The following ADIPOQ variants were observed in gnomAD, a reference collection of about 807,000 sequenced individuals.
ADIPOQ encodes adiponectin.
A neutral mutation model predicts 16.1 loss-of-function variants in ADIPOQ; 19 were observed. The observed-to-expected ratio is 1.18, with a 90% CI of 0.82 to 1.73. ADIPOQ has a LOEUF of 1.73. Among genes scored for constraint, ADIPOQ ranks in the 40% most tolerant of loss-of-function variants. The pLI, the probability that ADIPOQ is intolerant of heterozygous loss-of-function variation, is 0.00. For synonymous variants in ADIPOQ, 124 were observed against 125.5 expected (o/e 0.99, Z 0.08); for missense variants, 323 against 308.3 (o/e 1.05, Z -0.36).
chr3:186,852,609 GA>G, intron 1 of ADIPOQ: 1 of 183,834 alleles, frequency 5.4e-6, no homozygotes, highest in Non-Finnish European at 1.1e-5. Flanking sequence ...AAATGAGAGA[GA>G]AGGGGGGAAA....
chr3:186,858,302 T>A lies in ADIPOQ; in HGVS notation c.*3598T>A, dbSNP rs1712087824. 1 of 151,940 alleles carries A rather than the reference T, an allele frequency of 6.6e-6. No individual in the cohort carries two copies. The highest frequency in any genetic ancestry group is 6.6e-5 in the Admixed American group (1 of 15,252). 9.4% of individuals were successfully genotyped at this position (151,940 alleles called of 1,614,324 possible). ...TTTTGATTAGTGTTTTTGTGGTATATCTTTTTCCATCATGTTACTTTAAAT... is the reference window on the plus strand; with the variant it reads ...TTTTGATTAGTGTTTTTGTGGTATAACTTTTTCCATCATGTTACTTTAAAT... On this transcript the variant is annotated 3_prime_UTR_variant, in exon 3 of 3. Coordinates refer to ENST00000320741, the MANE Select transcript of ADIPOQ (RefSeq NM_004797.4).
chr3:186,843,778 A>C (rs1388436263), intron 1 of ADIPOQ, among the ~76,000 whole-genome samples: 1 of 152,174 alleles, frequency 6.6e-6, no homozygotes, highest in Non-Finnish European at 1.5e-5. Context: ...ATTTTCTGAC[A>C]GAAGAAACTG....
chr3:186,853,832 C>T (rs543755658), intron 2 of ADIPOQ: 2 of 255,144 alleles, frequency 7.8e-6, no homozygotes, highest in South Asian at 1.7e-4. Context: ...TTCAGCTAGG[C>T]CTTGAATGAT....
chr3:186,857,945 C>G lies in ADIPOQ; in HGVS notation c.*3241C>G, dbSNP rs200406929. On this transcript the variant is annotated 3_prime_UTR_variant, in exon 3 of 3. Transcript: ENST00000320741. ...CCTTCCTTTCTTTCTCTCTCTCTCT[C>G]TTTCCTTCCTTCCTTCCTCCTTTTC... 2 of 148,304 alleles carry G rather than the reference C, an allele frequency of 1.3e-5. No homozygotes were observed. The highest frequency in any genetic ancestry group is 1.4e-4 in the Admixed American group (2 of 14,392). The allele number at this position is 148,304 out of a possible 1,614,324, so 9.2% of individuals were successfully genotyped here.
In ADIPOQ at chr3:186,854,790, T is replaced by G; in HGVS notation, c.*86T>G. On this transcript the variant is annotated 3_prime_UTR_variant, in exon 3 of 3. Coordinates refer to ENST00000320741, the MANE Select transcript of ADIPOQ (RefSeq NM_004797.4). ...AGTACGGTTAGGAAGTTGATTATTA[T>G]TTAGTTGGAGGCCTTTAGATATTAT... is the stretch of plus-strand genomic sequence containing the variant. 1 of 1,530,868 alleles carries G rather than the reference T, an allele frequency of 6.5e-7. No individual in the cohort carries two copies. The allele number at this position is 1,530,868 out of a possible 1,614,324, so 94.8% of individuals were successfully genotyped here.
chr3:186,853,214 C>A lies in ADIPOQ; in HGVS notation c.156C>A (p.Ala52=), dbSNP rs1195206173. ...GIPGHPGHNG[A]PGRDGRDGTP... ...CAGGGCATCCGGGCCATAATGGGGC[C>A]CCAGGCCGTGATGGCAGAGATGGCA... The change falls in exon 2 of 3, where the codon GCC becomes GCA. Residue 52 remains alanine, a synonymous_variant. Transcript: ENST00000320741. 1 of 1,613,752 alleles carries A rather than the reference C, an allele frequency of 6.2e-7. No homozygotes were observed.
intron 1 of ADIPOQ, among the ~76,000 whole-genome samples, chr3:186,848,305 A>AGAAGGAAGGAAAGAAG (rs1711639814): frequency 1.2e-5 from 1 of 80,262 alleles, no homozygotes; most frequent in East Asian, 3.2e-4. Context: ...AAGGAAGGAA[A>AGAAGGAAGGAAAGAAG]GAAGGAAGGA....
chr3:186,851,690 C>A (rs1284120578), intron 1 of ADIPOQ, among the ~76,000 whole-genome samples: 1 of 151,866 alleles, frequency 6.6e-6, no homozygotes, highest in African/African-American at 2.4e-5. Context: ...CTCATGATTT[C>A]TTTTCCTCAT....
chr3:186,850,337 C>T (rs1353033679), intron 1 of ADIPOQ, among the ~76,000 whole-genome samples: 2 of 146,916 alleles, frequency 1.4e-5, no homozygotes, highest in Non-Finnish European at 3.0e-5. Context: ...GCTCACTAAA[C>T]TGACAACACA....
Position 186,853,070 on chromosome 3 carries a change from G to T in ADIPOQ, c.12G>T (p.Leu4=). The T allele has an allele frequency of 6.2e-7, 1 of 1,614,200 alleles. No homozygotes were observed. The highest frequency in any genetic ancestry group is 8.5e-7 in the Non-Finnish European group (1 of 1,180,024). The change falls in exon 2 of 3, where the codon CTG becomes CTT. Residue 4 remains leucine (L), a synonymous_variant. Coordinates refer to ENST00000320741, the MANE Select transcript of ADIPOQ (RefSeq NM_004797.4). MLL[L]GAVLLLLALP... ...TTCCAGGGCTCAGGATGCTGTTGCTGGGAGCTGTTCTACTGCTATTAGCTC... is the reference window on the plus strand; with the variant it reads ...TTCCAGGGCTCAGGATGCTGTTGCTTGGAGCTGTTCTACTGCTATTAGCTC...
chr3:186,848,944 C>T (rs1053896438), intron 1 of ADIPOQ, among the ~76,000 whole-genome samples: 2 of 152,168 alleles, frequency 1.3e-5, no homozygotes, highest in Admixed American at 6.5e-5. Context: ...TAATCACACT[C>T]TTGTATTTTT....
intron 2 of ADIPOQ, chr3:186,853,893 T>C: frequency 3.0e-6 from 1 of 330,170 alleles, no homozygotes; most frequent in Non-Finnish European, 5.5e-6. Context: ...GGGGTAGAAT[T>C]GCAAAACCAG....
chr3:186,854,835 T>C lies in ADIPOQ; in HGVS notation c.*131T>C, dbSNP rs1168562958. 2.3e-6 allele frequency: 3 copies of C among 1,296,604 alleles called. No homozygotes were observed. In the African/African-American group the frequency reaches 4.4e-5, roughly 19 times the overall value. 80.3% of individuals were successfully genotyped at this position (1,296,604 alleles called of 1,614,324 possible). ...TATTATTCATTCATTTACTCATTCA[T>C]TTATTCATTCATTCATCGAGTAACT... On this transcript the variant is annotated 3_prime_UTR_variant, in exon 3 of 3. Coordinates refer to ENST00000320741, the MANE Select transcript of ADIPOQ (RefSeq NM_004797.4).
Position 186,858,019 on chromosome 3 carries a change from G to A in ADIPOQ, c.*3315G>A, listed in dbSNP as rs1712074490. ...TTTTTTGACAGACTCTCGTTCTGTGGCCCTGGCTGGAGTTCAGTGGTGTGA... is the reference window on the plus strand; with the variant it reads ...TTTTTTGACAGACTCTCGTTCTGTGACCCTGGCTGGAGTTCAGTGGTGTGA... On this transcript the variant is annotated 3_prime_UTR_variant, in exon 3 of 3. Coordinates refer to ENST00000320741, the MANE Select transcript of ADIPOQ (RefSeq NM_004797.4). The A allele has an allele frequency of 6.9e-6, 1 of 144,624 alleles. No homozygotes were observed. The highest frequency in any genetic ancestry group is 1.5e-5 in the Non-Finnish European group (1 of 66,834). 9.0% of individuals were successfully genotyped at this position (144,624 alleles called of 1,614,324 possible). A position where few individuals can be genotyped will look rare whatever the true frequency, so the allele number is the denominator to read the frequency against.
rs1315245145 is a variant in ADIPOQ, at chr3:186,842,764, G to A, written c.-9+15G>A. ...CATACCAGAGGGTAAGAGCAATTCT[G>A]TGAAGTTCCAGGCTGGGTGGGGGAT... is the stretch of plus-strand genomic sequence containing the variant. On this transcript the variant is annotated intron_variant, in intron 1 of 2. Coordinates refer to ENST00000320741, the MANE Select transcript of ADIPOQ (RefSeq NM_004797.4). 6.6e-6 allele frequency: 1 copy of A among 152,566 alleles called. No homozygotes were observed. Among genetic ancestry groups the A allele is most frequent in the Non-Finnish European group, 1.5e-5 (1 of 68,326 alleles). The allele number at this position is 152,566 out of a possible 1,614,324, so 9.5% of individuals were successfully genotyped here.
chr3:186,848,257 G>C (rs775250485), intron 1 of ADIPOQ, among the ~76,000 whole-genome samples: 1 of 51,160 alleles, frequency 2.0e-5, no homozygotes. Context: ...AAAGAAGGAA[G>C]GAAGGAAGGA....
At chr3:186,848,207 A>G in intron 1 of ADIPOQ, among the ~76,000 whole-genome samples, 1 of 135,746 alleles carries the variant, frequency 7.4e-6, no homozygotes, top group Non-Finnish European at 1.6e-5. Flanking sequence ...GAAAAGAAGG[A>G]AGGAAGGAAG....
intron 1 of ADIPOQ, chr3:186,852,048 G>T: frequency 6.5e-6 from 1 of 153,358 alleles, no homozygotes; most frequent in Non-Finnish European, 1.5e-5. Flanking sequence ...GAGAGAGAGA[G>T]AGAATATAGG....
rs1427473791 is a variant in ADIPOQ, at chr3:186,853,292, C to T, written c.214+20C>T. The T allele has an allele frequency of 2.6e-6, 4 of 1,567,704 alleles. No homozygotes were observed. The highest frequency in any genetic ancestry group is 2.3e-5 in the South Asian group (2 of 86,256). On this transcript the variant is annotated intron_variant, in intron 2 of 2. Coordinates refer to ENST00000320741, the MANE Select transcript of ADIPOQ (RefSeq NM_004797.4). ...ATCCAGGTAAGAATGTTTCTGGCCT[C>T]TTTCATCACAGACCTCCTACACTGA...
Sources: gnomAD v4.1 joint callset for allele counts (sites outside exome capture counted in the v4.1 genomes callset) on GRCh38, gnomAD v4.1.1 for gene constraint, MANE v1.5 for transcripts, NCBI Gene and HGNC (gene_info 2026-07-23, HGNC 2026-07-21) for gene names.